The following OR11A1 variants were observed in gnomAD, a reference collection of about 807,000 sequenced individuals.
The protein encoded by OR11A1 is olfactory receptor family 11 subfamily A member 1.
For synonymous variants in OR11A1, 158 were observed against 152.2 expected (o/e 1.04, Z -0.28); for missense variants, 380 against 378.2 (o/e 1.00, Z -0.04).
chr6:29,444,469 C>G (rs1338975232), intron 1 of OR11A1, among the ~76,000 whole-genome samples: 1 of 152,212 alleles, frequency 6.6e-6, no homozygotes, highest in Non-Finnish European at 1.5e-5. Context: ...CTCTTTGCAT[C>G]ATCTTTTTGG....
rs374276438 is a variant in OR11A1, at chr6:29,427,707, C to G, written c.-66G>C. The G allele has an allele frequency of 1.7e-5, 26 of 1,533,814 alleles. No individual in the cohort carries two copies. The East Asian group carries it at 1.8e-4, about 11-fold the overall frequency. On this transcript the variant is annotated 5_prime_UTR_variant, in exon 5 of 5. Transcript: ENST00000377149. ...AAATTTTAGCATGTCTCTGCATCTTCTATACCAAGCCTAACGTTATTAGAG... is the reference window on the plus strand; with the variant it reads ...AAATTTTAGCATGTCTCTGCATCTTGTATACCAAGCCTAACGTTATTAGAG...
intron 1 of OR11A1, among the ~76,000 whole-genome samples, chr6:29,433,485 T>C (rs976915100): frequency 6.6e-6 from 1 of 152,188 alleles, no homozygotes; most frequent in Non-Finnish European, 1.5e-5. Flanking sequence ...TCCAGATTCA[T>C]CCATGTTGTT....
chr6:29,454,819 G>A (rs1181639071), intron 1 of OR11A1, among the ~76,000 whole-genome samples: 1 of 152,078 alleles, frequency 6.6e-6, no homozygotes, highest in Non-Finnish European at 1.5e-5. Flanking sequence ...GATATTCTTT[G>A]CAACAAATGG....
chr6:29,428,865 G>A (rs1783062710), intron 4 of OR11A1, 48 bp downstream of exon 4: 2 of 717,042 alleles, frequency 2.8e-6, no homozygotes, highest in Non-Finnish European at 3.4e-6. Context: ...GCAAAGAGTT[G>A]TAATTGAGCA....
rs891713644 is a variant in OR11A1, at chr6:29,453,528, T to A, written c.-389+3459A>T. ...CAACAATTACACTATTAAAGAGGGTTGAGATGATTTGGAACAAAGATAAAA... is the reference window on the plus strand; with the variant it reads ...CAACAATTACACTATTAAAGAGGGTAGAGATGATTTGGAACAAAGATAAAA... On this transcript the variant is annotated intron_variant, in intron 1 of 4. Coordinates refer to ENST00000377149, the MANE Select transcript of OR11A1 (RefSeq NM_001394828.1). The surrounding 1 kb of genome is among the most constrained non-coding windows in gnomAD (Gnocchi z 4.5). Among the ~76,000 whole-genome samples the A allele has an allele frequency of 6.6e-6, 1 of 152,126 alleles. No individual in the cohort carries two copies. The highest frequency in any genetic ancestry group is 2.4e-5 in the African/African-American group (1 of 41,434).
chr6:29,439,467 A>AT (rs1783915942), intron 1 of OR11A1: 2 of 153,052 alleles, frequency 1.3e-5, no homozygotes, highest in Non-Finnish European at 2.9e-5. Flanking sequence ...ACACTGTGAA[A>AT]TTTATGGTAA....
At position 29,426,968 on chromosome 6, in the gene OR11A1, GCCA is replaced by G; in HGVS notation, c.671_673del (p.Val224del). 6.2e-7 allele frequency: 1 copy of G among 1,613,012 alleles called. No homozygotes were observed. Among genetic ancestry groups the G allele is most frequent in the Non-Finnish European group, 8.5e-7 (1 of 1,180,028 alleles). On this transcript the variant is annotated inframe_deletion, in exon 5 of 5. Transcript: ENST00000377149. ...TGCCCCAGCAGGAACTCTCAGCACT[GCCA>G]CCACAATTCTGGCATAAGATGTCAG... is the stretch of plus-strand genomic sequence containing the variant.
chr6:29,432,883 T>G (rs1783321105), intron 1 of OR11A1, among the ~76,000 whole-genome samples: 1 of 152,206 alleles, frequency 6.6e-6, no homozygotes, highest in Non-Finnish European at 1.5e-5. Flanking sequence ...GTCTACTATC[T>G]GTAGTTCACA....
chr6:29,427,455 T>C lies in OR11A1; in HGVS notation c.187A>G (p.Ile63Val), dbSNP rs771005054. The change falls in exon 5 of 5, where the codon ATT (isoleucine) becomes GTT (valine). Residue 63 changes from isoleucine (I) to valine (V), a missense_variant. Physicochemically the swap from Ile to Val is conservative, Grantham distance 29. Transcript: ENST00000377149. ...AGGAAGGACAGATTCGCCAAGAAAA[T>C]ATACATGGGTTTGTGGAGCCTCTGG... is the stretch of plus-strand genomic sequence containing the variant. The part of the protein sequence containing the change: ...SSQRLHKPMY[I>V]FLANLSFLDI... 6.2e-7 allele frequency: 1 copy of C among 1,612,972 alleles called. No individual in the cohort carries two copies.
intron 1 of OR11A1, among the ~76,000 whole-genome samples, chr6:29,449,981 C>T (rs755883843): frequency 1.3e-5 from 2 of 152,160 alleles, no homozygotes; most frequent in Admixed American, 1.3e-4. Flanking sequence ...GCTCACAAAA[C>T]GAGAAGCTGC....
rs1331750297 is a variant in OR11A1 at position 29,427,395 on chromosome 6, T to G, written c.247A>C (p.Met83Leu). 1 of 1,613,080 alleles carries G rather than the reference T, an allele frequency of 6.2e-7. No homozygotes were observed. The highest frequency in any genetic ancestry group is 2.2e-5 in the East Asian group (1 of 44,878). ...GCTTCTTGCAGGAAGCCCTCCAGCATTTTTGGCATCACTGCGGAGGTGTAG... is the reference window on the plus strand; with the variant it reads ...GCTTCTTGCAGGAAGCCCTCCAGCAGTTTTGGCATCACTGCGGAGGTGTAG... ...ILYTSAVMPKMLEGFLQEATI... is the reference protein window; with the variant it reads ...ILYTSAVMPKLLEGFLQEATI... Residue 83 changes from methionine to leucine, a missense_variant, in exon 5 of 5, where the codon ATG becomes CTG. Coordinates refer to ENST00000377149, the MANE Select transcript of OR11A1 (RefSeq NM_001394828.1).
chr6:29,440,775 G>T (rs374582900), intron 1 of OR11A1: 5 of 1,613,810 alleles, frequency 3.1e-6, no homozygotes, highest in Non-Finnish European at 4.2e-6. Flanking sequence ...CTATGGCACC[G>T]CACTCTTTAT....
At chr6:29,434,549 G>A (rs188359725) in intron 1 of OR11A1, among the ~76,000 whole-genome samples, 321 of 152,254 alleles carry the variant, frequency 2.1e-3, no homozygotes, top group Non-Finnish European at 2.9e-3. Flanking sequence ...AATCTCACTT[G>A]ATCATGGTGA....
chr6:29,436,914 T>C (rs1406402610), intron 1 of OR11A1, among the ~76,000 whole-genome samples: 1 of 152,222 alleles, frequency 6.6e-6, no homozygotes, highest in Non-Finnish European at 1.5e-5. Context: ...TCGCTCAAGA[T>C]GGCGCTGCTC....
chr6:29,448,728 C>A (rs28359956), intron 1 of OR11A1, among the ~76,000 whole-genome samples: 78 of 152,324 alleles, frequency 5.1e-4, no homozygotes, highest in Admixed American at 1.4e-3. Context: ...ATACTGGACA[C>A]TTTGACCTCT....
chr6:29,453,086 G>A lies in OR11A1; in HGVS notation c.-389+3901C>T, dbSNP rs1167819033. Among the ~76,000 whole-genome samples, 1 of 150,274 alleles carries A rather than the reference G, an allele frequency of 6.7e-6. No homozygotes were observed. The highest frequency in any genetic ancestry group is 1.5e-5 in the Non-Finnish European group (1 of 67,616). On this transcript the variant is annotated intron_variant, in intron 1 of 4. Coordinates refer to ENST00000377149, the MANE Select transcript of OR11A1 (RefSeq NM_001394828.1). This position sits in a 1 kb window ranked among gnomAD's most constrained non-coding sequence, Gnocchi z 4.5. ...ACTCTTATAAGTTCAGGATCCATAT[G>A]GTATCCCCAAGAAAAAAACTTGCAC...
intron 1 of OR11A1, among the ~76,000 whole-genome samples, chr6:29,449,861 T>C (rs1381311709): frequency 6.6e-6 from 1 of 152,088 alleles, no homozygotes; most frequent in East Asian, 1.9e-4. Flanking sequence ...GGTCTTGAAC[T>C]CCTGACCTCA....
At chr6:29,431,300 G>A (rs1783213444) in intron 2 of OR11A1, among the ~76,000 whole-genome samples, 1 of 151,926 alleles carries the variant, frequency 6.6e-6, no homozygotes, top group Admixed American at 6.6e-5. Context: ...TGTTATGTTT[G>A]TAAGCAGAAA....
intron 1 of OR11A1, among the ~76,000 whole-genome samples, chr6:29,446,653 G>A (rs1031548947): frequency 2.6e-5 from 4 of 152,106 alleles, no homozygotes; most frequent in Admixed American, 1.3e-4. Flanking sequence ...TTAGACATTC[G>A]GCCACTTGAG....
Sources: gnomAD v4.1 joint callset for allele counts (sites outside exome capture counted in the v4.1 genomes callset) on GRCh38, gnomAD v4.1.1 for gene constraint, Gnocchi (gnomAD v3.1) non-coding constraint, MANE v1.5 for transcripts, NCBI Gene and HGNC (gene_info 2026-07-23, HGNC 2026-07-21) for gene names.